Variants in SLC47A1 observed in about 807,000 individuals in gnomAD.
The protein encoded by SLC47A1 is multidrug and toxin extrusion protein 1.
A neutral mutation model predicts 65.8 loss-of-function variants in SLC47A1; 58 were observed. The observed-to-expected ratio is 0.88, with a 90% CI of 0.71 to 1.10. The LOEUF is 1.10. Among genes scored for constraint, SLC47A1 ranks in the 50% least tolerant of loss-of-function variants. SLC47A1 has a pLI of 0.00. For synonymous variants in SLC47A1, 285 were observed against 295.0 expected (o/e 0.97, Z 0.35); for missense variants, 706 against 719.2 (o/e 0.98, Z 0.21).
intron 13 of SLC47A1, 84 bp downstream of exon 13, chr17:19,566,943 G>A: frequency 6.3e-7 from 1 of 1,588,362 alleles, no homozygotes; most frequent in Non-Finnish European, 8.6e-7. Flanking sequence ...GGCCAGCATA[G>A]GTAGGAAGAT....
At chr17:19,552,249 C>T (rs1597500035) in intron 6 of SLC47A1, among the ~76,000 whole-genome samples, 1 of 152,168 alleles carries the variant, frequency 6.6e-6, no homozygotes, top group South Asian at 2.1e-4. Flanking sequence ...TGCTATGTTG[C>T]CCAGGCTGGT....
At chr17:19,543,522 C>T (rs1003350655) in intron 2 of SLC47A1, among the ~76,000 whole-genome samples, 2 of 152,098 alleles carry the variant, frequency 1.3e-5, no homozygotes, top group African/African-American at 4.8e-5. Flanking sequence ...GAACTGACTC[C>T]CCCCCATGCC....
intron 1 of SLC47A1, among the ~76,000 whole-genome samples, chr17:19,536,793 T>C (rs536067047): frequency 2.0e-5 from 3 of 152,386 alleles, no homozygotes; most frequent in Non-Finnish European, 2.9e-5. Flanking sequence ...GAAGATGCCC[T>C]GTCTGGCTCT....
chr17:19,565,828 G>C (rs1032921850), intron 12 of SLC47A1, among the ~76,000 whole-genome samples: 2 of 151,996 alleles, frequency 1.3e-5, no homozygotes, highest in African/African-American at 4.8e-5. Context: ...TGATCCGCCC[G>C]CCTCGGCCTC....
intron 14 of SLC47A1, among the ~76,000 whole-genome samples, chr17:19,569,574 G>T (rs2084384537): frequency 6.6e-6 from 1 of 152,124 alleles, no homozygotes. Context: ...ACCTATACAA[G>T]GTGTCTAGGA....
At chr17:19,534,216 C>A (rs1056882351) in intron 1 of SLC47A1, 142 bp downstream of exon 1, 2 of 1,128,306 alleles carry the variant, frequency 1.8e-6, no homozygotes, top group Non-Finnish European at 2.4e-6. Context: ...GTGCCAGGAG[C>A]CGGGCGGGCA....
At chr17:19,543,955 T>C (rs1916220557) in intron 2 of SLC47A1, among the ~76,000 whole-genome samples, 1 of 152,194 alleles carries the variant, frequency 6.6e-6, no homozygotes, top group African/African-American at 2.4e-5. Flanking sequence ...TTATTTTATT[T>C]TATTTAATTA....
At chr17:19,547,868 G>A (rs935629706) in intron 3 of SLC47A1, 117 bp from the exon 4 acceptor site, 42 of 1,163,998 alleles carry the variant, frequency 3.6e-5, no homozygotes, top group Non-Finnish European at 4.4e-5. Context: ...GATTACAGGC[G>A]TGAGCCACCT....
chr17:19,548,447 T>G (rs909824475), intron 4 of SLC47A1, among the ~76,000 whole-genome samples: 3 of 151,954 alleles, frequency 2.0e-5, no homozygotes, highest in Non-Finnish European at 2.9e-5. Context: ...TAAAATCACC[T>G]GGGTGCTTTC....
At chr17:19,564,730 T>G (rs1342225449) in intron 12 of SLC47A1, 1 of 152,230 alleles carries the variant, frequency 6.6e-6, no homozygotes, top group South Asian at 2.1e-4. Flanking sequence ...TTTTCTTTTC[T>G]TTTTTTTGAG....
Position 19,578,362 on chromosome 17 carries a change from C to T in SLC47A1, c.*809C>T, listed in dbSNP as rs2084456640. 2.1e-5 allele frequency: 4 copies of T among 186,902 alleles called. No homozygotes were observed. The highest frequency in any genetic ancestry group is 4.8e-5 in the African/African-American group (2 of 41,764). 11.6% of individuals were successfully genotyped at this position (186,902 alleles called of 1,614,324 possible). On this transcript the variant is annotated 3_prime_UTR_variant, in exon 17 of 17. Transcript: ENST00000270570. ...CTGAGACCACAGGCGTGTGCCACCACGCCTAGCTAATTTTTTATACCAGGG... is the reference window on the plus strand; with the variant it reads ...CTGAGACCACAGGCGTGTGCCACCATGCCTAGCTAATTTTTTATACCAGGG...
chr17:19,537,151 G>A (rs1484580617), intron 1 of SLC47A1, among the ~76,000 whole-genome samples: 2 of 152,212 alleles, frequency 1.3e-5, no homozygotes, highest in Admixed American at 1.3e-4. Flanking sequence ...GGCATTGCCC[G>A]GGATGTAACA....
intron 16 of SLC47A1, among the ~76,000 whole-genome samples, chr17:19,574,878 C>T (rs1287896068): frequency 3.3e-5 from 5 of 152,154 alleles, no homozygotes; most frequent in Admixed American, 1.3e-4. Flanking sequence ...TCAAGTGATC[C>T]GCCTGGCTCG....
intron 2 of SLC47A1, among the ~76,000 whole-genome samples, chr17:19,543,509 G>C (rs759027215): frequency 6.6e-6 from 1 of 152,164 alleles, no homozygotes; most frequent in Non-Finnish European, 1.5e-5. Context: ...GACTTCCTCA[G>C]AGGAACTGAC....
rs1214069102 is a variant in SLC47A1, at chr17:19,555,135, C to T, written c.544-77C>T. Reference sequence around the variant, plus strand: ...TACCCGCTGAGCAGGCCAGCTGGAGCCTGTGTGTGCTTGGGTAGCAGAAAG... The same window carrying T: ...TACCCGCTGAGCAGGCCAGCTGGAGTCTGTGTGTGCTTGGGTAGCAGAAAG... On this transcript the variant is annotated intron_variant, in intron 6 of 16. Transcript: ENST00000270570. 6 of 1,339,760 alleles carry T rather than the reference C, an allele frequency of 4.5e-6. No homozygotes were observed. In the African/African-American group the frequency reaches 5.8e-5, roughly 13 times the overall value. The allele number at this position is 1,339,760 out of a possible 1,614,324, so 83.0% of individuals were successfully genotyped here.
chr17:19,542,598 T>A, intron 2 of SLC47A1, 104 bp downstream of exon 2: 1 of 933,380 alleles, frequency 1.1e-6, no homozygotes, highest in Non-Finnish European at 1.6e-6. Flanking sequence ...CTACACAGAC[T>A]TATTCTCTTA....
At chr17:19,566,075 T>C (rs1597509260) in intron 12 of SLC47A1, among the ~76,000 whole-genome samples, 1 of 152,222 alleles carries the variant, frequency 6.6e-6, no homozygotes, top group East Asian at 1.9e-4. Flanking sequence ...ATCACAGTGC[T>C]AGTAATCCCA....
intron 1 of SLC47A1, among the ~76,000 whole-genome samples, chr17:19,538,226 T>G (rs2064374219): frequency 6.6e-6 from 1 of 152,216 alleles, no homozygotes; most frequent in Non-Finnish European, 1.5e-5. Context: ...TGCCTTCTTT[T>G]CCCCAGAAGC....
At chr17:19,538,774 G>A (rs1039130564) in intron 1 of SLC47A1, among the ~76,000 whole-genome samples, 4 of 152,200 alleles carry the variant, frequency 2.6e-5, no homozygotes, top group African/African-American at 9.6e-5. Flanking sequence ...AATCATGGGA[G>A]GGGGTAGGAG....
Sources: gnomAD v4.1 joint callset for allele counts (sites outside exome capture counted in the v4.1 genomes callset) on GRCh38, gnomAD v4.1.1 for gene constraint, MANE v1.5 for transcripts, NCBI Gene and HGNC (gene_info 2026-07-23, HGNC 2026-07-21) for gene names.